The following SUN1 variants were observed in gnomAD, a reference collection of about 807,000 sequenced individuals.
SUN1 encodes Sad1 and UNC84 domain containing 1, also known as SUN domain-containing protein 1.
A neutral mutation model predicts 103.2 loss-of-function variants in SUN1; 61 were observed. That is an observed-to-expected ratio of 0.59 (90% confidence interval 0.48 to 0.73). The LOEUF is 0.73. Among genes scored for constraint, SUN1 ranks in the 30% least tolerant of loss-of-function variants. The pLI, the probability that SUN1 is intolerant of heterozygous loss-of-function variation, is 0.00. For missense variants in SUN1, 1,052 were observed against 1,034.6 expected (o/e 1.02, Z -0.23); for synonymous variants, 490 against 425.7 (o/e 1.15, Z -1.86).
intron 12 of SUN1, among the ~76,000 whole-genome samples, chr7:856,693 C>T (rs1010930645): frequency 6.6e-6 from 1 of 152,214 alleles, no homozygotes; most frequent in Non-Finnish European, 1.5e-5. Flanking sequence ...AGGGTCCTTG[C>T]AGGGCCAACC....
At chr7:815,948 G>T (rs753412756), upstream of SUN1, 73 of 205,866 alleles carry the variant, frequency 3.5e-4, no homozygotes, top group Admixed American at 6.4e-4. Flanking sequence ...CGTCGGAAGT[G>T]GGGGCTGCCT....
Position 846,527 on chromosome 7 carries a change from A to T in SUN1, c.658+3007A>T, listed in dbSNP as rs77454513. ...GAGGTTGAGGCTGCAGTGAGCTGAGATCATACCACTGCACTTCAGCCTGGG... is the reference window on the plus strand; with the variant it reads ...GAGGTTGAGGCTGCAGTGAGCTGAGTTCATACCACTGCACTTCAGCCTGGG... On this transcript the variant is annotated intron_variant, in intron 5 of 18. Transcript: ENST00000401592. Among the ~76,000 whole-genome samples the T allele has an allele frequency of 6.4e-3, 969 of 151,904 alleles. 33 individuals are homozygous for T. The East Asian group carries it at 0.11, about 17-fold the overall frequency.
chr7:820,505 T>C (rs1321200372), intron 1 of SUN1, among the ~76,000 whole-genome samples: 3 of 152,242 alleles, frequency 2.0e-5, no homozygotes, highest in Non-Finnish European at 2.9e-5. Context: ...AGATATGAGA[T>C]CATGTCATCT....
chr7:846,142 T>G (rs1815407053), intron 5 of SUN1, among the ~76,000 whole-genome samples: 1 of 152,102 alleles, frequency 6.6e-6, no homozygotes, highest in Non-Finnish European at 1.5e-5. Flanking sequence ...GCAGTCTTGC[T>G]CTGTTGCCCA....
intron 5 of SUN1, among the ~76,000 whole-genome samples, chr7:845,774 C>T (rs1460935114): frequency 6.6e-6 from 1 of 152,212 alleles, no homozygotes; most frequent in East Asian, 1.9e-4. Context: ...AATCCATCTC[C>T]TGGGGGAACC....
chr7:873,509 T>C lies in SUN1; in HGVS notation c.*178T>C. 1 of 626,432 alleles carries C rather than the reference T, an allele frequency of 1.6e-6. No homozygotes were observed. Among genetic ancestry groups the C allele is most frequent in the South Asian group, 2.0e-5 (1 of 50,538 alleles). 38.8% of individuals were successfully genotyped at this position (626,432 alleles called of 1,614,324 possible). A position where few individuals can be genotyped will look rare whatever the true frequency, so the allele number is the denominator to read the frequency against. On this transcript the variant is annotated 3_prime_UTR_variant, in exon 19 of 19. Transcript: ENST00000401592. ...GGGCGCCTTGGCGCCACCTGTTGGG[T>C]GCTCACTGCCTCTGCAGGTGCAGAG...
Position 849,660 on chromosome 7 carries a change from G to A in SUN1, c.659-1724G>A, listed in dbSNP as rs540327867. ...GGTCGTGGAGTTGGTCCCACACGCT[G>A]TCATGTTGGGTACTAGCAGTAGAGA... On this transcript the variant is annotated intron_variant, in intron 5 of 18. Coordinates refer to ENST00000401592, the MANE Select transcript of SUN1 (RefSeq NM_001130965.3). 1.9e-5 allele frequency: 28 copies of A among 1,506,266 alleles called. No individual in the cohort carries two copies. In the East Asian group the frequency reaches 5.9e-4, roughly 32 times the overall value. The allele number at this position is 1,506,266 out of a possible 1,614,324, so 93.3% of individuals were successfully genotyped here.
chr7:840,499 C>G (rs894410529), intron 2 of SUN1, among the ~76,000 whole-genome samples: 1 of 152,234 alleles, frequency 6.6e-6, no homozygotes, highest in Non-Finnish European at 1.5e-5. Flanking sequence ...AAGCTTCCTT[C>G]GAAGGGGAGG....
chr7:841,280 G>C (rs1399045101), intron 2 of SUN1, among the ~76,000 whole-genome samples: 2 of 132,374 alleles, frequency 1.5e-5, no homozygotes, highest in East Asian at 4.4e-4. Flanking sequence ...GTCTGGCTCT[G>C]TCACCCAGGC....
At chr7:836,909 C>T (rs529901304) in intron 1 of SUN1, among the ~76,000 whole-genome samples, 34 of 152,218 alleles carry the variant, frequency 2.2e-4, no homozygotes, top group African/African-American at 5.3e-4. Context: ...TGACAGAGAC[C>T]GAGAGCTGGA....
At chr7:860,084 T>G (rs1831037891) in intron 13 of SUN1, 44 bp from the exon 14 acceptor site, 2 of 1,602,346 alleles carry the variant, frequency 1.2e-6, no homozygotes, top group African/African-American at 2.7e-5. Flanking sequence ...GTGGAAGTGA[T>G]TTAGTTAAAA....
At chr7:850,724 C>G (rs1043649707) in intron 5 of SUN1, 2 of 137,042 alleles carry the variant, frequency 1.5e-5, no homozygotes, top group Non-Finnish European at 1.5e-5. Context: ...GCCGGGAGTT[C>G]AAGACCAGCC....
intron 16 of SUN1, among the ~76,000 whole-genome samples, chr7:866,580 TCCCCACCATCTCCCCGGGCCTTCGC>T (rs1836856971): frequency 1.8e-5 from 2 of 111,360 alleles, no homozygotes; most frequent in South Asian, 8.2e-4. Flanking sequence ...CCCCACTGTC[TCCCCACCATCTCCCCGGGCCTTCGC>T]CCCCACTGTC....
chr7:849,732 T>G (rs1474800919), intron 5 of SUN1: 1 of 1,148,090 alleles, frequency 8.7e-7, no homozygotes, highest in East Asian at 2.4e-5. Flanking sequence ...GACGACGGGC[T>G]GTTGGAGCTG....
chr7:830,907 G>T, upstream of SUN1: 1 of 979,634 alleles, frequency 1.0e-6, no homozygotes, highest in South Asian at 4.7e-5. Flanking sequence ...TGCTGGGCGG[G>T]GCTGGGTTCT....
At chr7:845,229 T>A (rs2128317315) in intron 5 of SUN1, among the ~76,000 whole-genome samples, 1 of 152,334 alleles carries the variant, frequency 6.6e-6, no homozygotes, top group East Asian at 1.9e-4. Flanking sequence ...AGTGTATCTT[T>A]AGATGGAAAA....
intron 16 of SUN1, among the ~76,000 whole-genome samples, chr7:867,678 GAGAAAC>G (rs1838106151): frequency 2.0e-5 from 3 of 152,338 alleles, no homozygotes; most frequent in Non-Finnish European, 2.9e-5. Flanking sequence ...GGACTGGACT[GAGAAAC>G]TGTCGGCTCC....
intron 1 of SUN1, among the ~76,000 whole-genome samples, chr7:823,963 T>C (rs1788912650): frequency 6.6e-6 from 1 of 152,202 alleles, no homozygotes; most frequent in Non-Finnish European, 1.5e-5. Flanking sequence ...TGGCTTGCAG[T>C]ATAAACATCA....
chr7:828,272 T>G (rs62432908), upstream of SUN1, among the ~76,000 whole-genome samples: 53,108 of 148,164 alleles, frequency 0.36, 9,564 homozygotes, highest in East Asian at 0.49. Context: ...TTTTTGTTTT[T>G]GTTTTGTTTT....
Sources: allele counts gnomAD v4.1 joint callset (sites outside exome capture counted in the v4.1 genomes callset), GRCh38; gene constraint gnomAD v4.1.1; transcripts MANE v1.5; gene names NCBI Gene and HGNC (gene_info 2026-07-23, HGNC 2026-07-21).